Variants in IGF2BP3 observed in about 807,000 individuals in gnomAD.
The protein encoded by IGF2BP3 is insulin like growth factor 2 mRNA binding protein 3, also known as insulin-like growth factor 2 mRNA-binding protein 3.
IGF2BP3 carries 9 observed loss-of-function variants against 73.8 expected under a neutral mutation model. The ratio of observed to expected loss-of-function variants is 0.12; its 90% CI spans 0.07 to 0.21. The LOEUF (loss-of-function observed/expected upper bound fraction) is 0.21, where lower values mean the gene tolerates loss of function less well. Ranked by LOEUF, IGF2BP3 falls within the 10% of genes least tolerant of loss-of-function variation. IGF2BP3 has a pLI of 1.00. For missense variants in IGF2BP3, 542 were observed against 714.0 expected (o/e 0.76, Z 2.75); for synonymous variants, 258 against 256.7 (o/e 1.01, Z -0.05).
rs796536491 is a variant in IGF2BP3, at chr7:23,391,117, T to A, written c.285+27659A>T. On this transcript the variant is annotated intron_variant, in intron 3 of 14. Coordinates refer to ENST00000258729, the MANE Select transcript of IGF2BP3 (RefSeq NM_006547.3). ...CCTGGCTTTTTTTTTTTTTTTTTTT[T>A]AAGACAGATTCTTACTCTGTCACCC... Among the ~76,000 whole-genome samples the A allele has an allele frequency of 2.2e-3, 318 of 142,114 alleles. 2 individuals are homozygous for A. The highest frequency in any genetic ancestry group is 6.7e-3 in the African/African-American group (254 of 38,118). 93.2% of individuals were successfully genotyped at this position (142,114 alleles called of 152,430 possible).
intron 2 of IGF2BP3, among the ~76,000 whole-genome samples, chr7:23,428,715 T>A: frequency 6.7e-6 from 1 of 148,156 alleles, no homozygotes; most frequent in East Asian, 1.9e-4. Flanking sequence ...TTTCTTTTTT[T>A]CTTTTTTTTA....
At chr7:23,441,858 C>T (rs1787944481) in intron 2 of IGF2BP3, among the ~76,000 whole-genome samples, 1 of 152,092 alleles carries the variant, frequency 6.6e-6, no homozygotes, top group Non-Finnish European at 1.5e-5. Context: ...GGCGGGGTGG[C>T]TCATGCCTTT....
chr7:23,452,476 A>G (rs190021691), intron 2 of IGF2BP3, among the ~76,000 whole-genome samples: 29 of 152,306 alleles, frequency 1.9e-4, no homozygotes, highest in South Asian at 6.2e-4. Context: ...AGTTACAAAT[A>G]GTTGAACATT....
At chr7:23,325,698 C>A (rs944608570) in intron 10 of IGF2BP3, among the ~76,000 whole-genome samples, 7 of 152,202 alleles carry the variant, frequency 4.6e-5, no homozygotes, top group Non-Finnish European at 1.0e-4. Flanking sequence ...GTAACCAAAA[C>A]AGCATGGGAC....
intron 2 of IGF2BP3, among the ~76,000 whole-genome samples, chr7:23,455,515 C>T (rs574000189): frequency 2.0e-5 from 3 of 152,298 alleles, no homozygotes; most frequent in African/African-American, 7.2e-5. Flanking sequence ...CTCACATATA[C>T]CCTATGACAT....
At position 23,315,964 on chromosome 7, in the gene IGF2BP3, T is replaced by C. The variant is rs1012425957; in HGVS notation, c.1395+1675A>G. The stretch of plus-strand genomic sequence containing the variant: ...TGAAGTTCCTATCATACAAACATCA[T>C]AGGAGTTGCAGGACAGTAATTCTAC... On this transcript the variant is annotated intron_variant, in intron 12 of 14. Transcript: ENST00000258729. Among the ~76,000 whole-genome samples the C allele has an allele frequency of 5.3e-5, 8 of 152,310 alleles. 1 individual carries two copies. Among genetic ancestry groups the C allele is most frequent in the South Asian group, 4.1e-4 (2 of 4,830 alleles).
At chr7:23,400,806 C>G (rs1371076770) in intron 3 of IGF2BP3, among the ~76,000 whole-genome samples, 1 of 152,022 alleles carries the variant, frequency 6.6e-6, no homozygotes, top group African/African-American at 2.4e-5. Context: ...GCTGTCAAAA[C>G]CCTATTTTTC....
intron 2 of IGF2BP3, among the ~76,000 whole-genome samples, chr7:23,463,631 A>C (rs1341231804): frequency 6.6e-6 from 1 of 152,228 alleles, no homozygotes; most frequent in Non-Finnish European, 1.5e-5. Flanking sequence ...CACAAATCAA[A>C]AGGAAAGCCA....
intron 3 of IGF2BP3, among the ~76,000 whole-genome samples, chr7:23,390,798 GC>G (rs1394965415): frequency 1.4e-5 from 2 of 143,708 alleles, no homozygotes; most frequent in Non-Finnish European, 3.0e-5. Flanking sequence ...ATTTATTGTT[GC>G]CTTTTTTTTT....
chr7:23,387,727 A>G (rs879488390), intron 3 of IGF2BP3, among the ~76,000 whole-genome samples: 2 of 152,198 alleles, frequency 1.3e-5, no homozygotes, highest in Non-Finnish European at 2.9e-5. Context: ...AGAGCATTAT[A>G]CTAAGAGAAA....
At chr7:23,391,493 T>C (rs1445406785) in intron 3 of IGF2BP3, among the ~76,000 whole-genome samples, 1 of 152,220 alleles carries the variant, frequency 6.6e-6, no homozygotes, top group African/African-American at 2.4e-5. Context: ...CAAGGACAGC[T>C]TTAACAGCTG....
At chr7:23,439,810 G>C (rs545536283) in intron 2 of IGF2BP3, among the ~76,000 whole-genome samples, 57 of 152,246 alleles carry the variant, frequency 3.7e-4, no homozygotes, top group African/African-American at 1.4e-3. Context: ...GGAGCACCAA[G>C]CACCAAAGAT....
At chr7:23,393,960 G>A (rs956003582) in intron 3 of IGF2BP3, among the ~76,000 whole-genome samples, 2 of 152,064 alleles carry the variant, frequency 1.3e-5, no homozygotes, top group East Asian at 1.9e-4. Flanking sequence ...TATTAGGAGG[G>A]TACACAAATC....
intron 2 of IGF2BP3, among the ~76,000 whole-genome samples, chr7:23,458,032 T>A (rs1168140842): frequency 6.6e-6 from 1 of 152,212 alleles, no homozygotes; most frequent in Non-Finnish European, 1.5e-5. Flanking sequence ...TCTATTTACA[T>A]CCATCCAGCT....
intron 2 of IGF2BP3, among the ~76,000 whole-genome samples, chr7:23,453,451 C>T (rs1465655699): frequency 6.6e-6 from 1 of 152,122 alleles, no homozygotes; most frequent in African/African-American, 2.4e-5. Context: ...TATAGTATAA[C>T]CTAAGAATTC....
intron 3 of IGF2BP3, among the ~76,000 whole-genome samples, chr7:23,392,451 T>TAC (rs1554327192): frequency 0.011 from 1,556 of 144,208 alleles, 15 homozygotes; most frequent in African/African-American, 0.03. Context: ...TATATATATA[T>TAC]ACACACACAC....
chr7:23,327,068 A>G (rs566474109), intron 10 of IGF2BP3, among the ~76,000 whole-genome samples: 3 of 145,964 alleles, frequency 2.1e-5, no homozygotes, highest in Non-Finnish European at 4.4e-5. Flanking sequence ...AAAGTATAAT[A>G]AATAAATTAA....
intron 3 of IGF2BP3, among the ~76,000 whole-genome samples, chr7:23,383,218 C>G (rs1334889977): frequency 6.6e-6 from 1 of 152,050 alleles, no homozygotes; most frequent in East Asian, 1.9e-4. Flanking sequence ...GACACGTAGG[C>G]TGATGGATTT....
At chr7:23,414,105 G>T (rs1451901586) in intron 3 of IGF2BP3, 1 of 151,822 alleles carries the variant, frequency 6.6e-6, no homozygotes, top group Admixed American at 6.6e-5. Flanking sequence ...AGCCGAGATT[G>T]TGCCACTGCA....
Sources: allele counts gnomAD v4.1 joint callset (sites outside exome capture counted in the v4.1 genomes callset), GRCh38; gene constraint gnomAD v4.1.1; transcripts MANE v1.5; gene names NCBI Gene and HGNC (gene_info 2026-07-23, HGNC 2026-07-21).